Variants in SCUBE2 observed in about 807,000 individuals in gnomAD.
SCUBE2 encodes the protein signal peptide, CUB and EGF-like domain-containing protein 2.
Under a neutral mutation model 125.9 loss-of-function variants are expected in SCUBE2, and 114 were observed. That is an observed-to-expected ratio of 0.91 (90% CI 0.78 to 1.06). SCUBE2 has a LOEUF of 1.06. Among genes scored for constraint, SCUBE2 ranks in the 50% least tolerant of loss-of-function variants. SCUBE2 has a pLI of 0.00. For missense variants in SCUBE2, 1,255 were observed against 1,301.8 expected (o/e 0.96, Z 0.55); for synonymous variants, 459 against 492.9 (o/e 0.93, Z 0.91).
At chr11:9,036,594 A>T (rs530184245) in intron 16 of SCUBE2, among the ~76,000 whole-genome samples, 2 of 152,328 alleles carry the variant, frequency 1.3e-5, no homozygotes, top group East Asian at 3.9e-4. Context: ...GAAAGTGCCG[A>T]TATGGTGACA....
chr11:9,062,817 G>A (rs1859811881), intron 7 of SCUBE2, among the ~76,000 whole-genome samples: 1 of 138,722 alleles, frequency 7.2e-6, no homozygotes, highest in Non-Finnish European at 1.6e-5. Context: ...ACAAAGGAGA[G>A]AAAAGAAAAA....
intron 16 of SCUBE2, 81 bp downstream of exon 16, chr11:9,047,275 G>A (rs539614957): frequency 2.1e-6 from 3 of 1,428,014 alleles, no homozygotes; most frequent in Admixed American, 1.7e-5. Flanking sequence ...AGGGAGGATG[G>A]GCCAGACTTG....
At chr11:9,053,452 A>G (rs1467879416) in intron 11 of SCUBE2, among the ~76,000 whole-genome samples, 185 bp downstream of exon 11, 1 of 152,270 alleles carries the variant, frequency 6.6e-6, no homozygotes, top group Non-Finnish European at 1.5e-5. Context: ...ACAGAAGCAC[A>G]GAAGGAAACA....
At chr11:9,081,702 G>T (rs994667063) in intron 2 of SCUBE2, among the ~76,000 whole-genome samples, 1 of 151,792 alleles carries the variant, frequency 6.6e-6, no homozygotes, top group African/African-American at 2.4e-5. Context: ...ATATTATTTT[G>T]TACATAACAC....
intron 5 of SCUBE2, among the ~76,000 whole-genome samples, chr11:9,069,127 C>T (rs1319354500): frequency 1.3e-5 from 2 of 152,242 alleles, no homozygotes; most frequent in African/African-American, 4.8e-5. Flanking sequence ...CCAACATTCA[C>T]ACTCCTTACT....
At chr11:9,060,084 A>G (rs530878175) in intron 8 of SCUBE2, among the ~76,000 whole-genome samples, 1 of 152,308 alleles carries the variant, frequency 6.6e-6, no homozygotes, top group Non-Finnish European at 1.5e-5. Context: ...ATTATGTATG[A>G]TATGTTGATA....
chr11:9,042,543 TC>T lies in SCUBE2; in HGVS notation c.2002+4812del, dbSNP rs376581558. The stretch of plus-strand genomic sequence containing the variant: ...CTGACTCAATATTCAGGCTTTAGCC[TC>T]CTTTTATGTATCTTTTTCATCCTTT... On this transcript the variant is annotated intron_variant, in intron 16 of 22. Transcript: ENST00000649792. Among the ~76,000 whole-genome samples the T allele has an allele frequency of 3.7e-4, 57 of 152,314 alleles. 1 individual carries two copies. The East Asian group carries it at 8.9e-3, about 24-fold the overall frequency.
intron 5 of SCUBE2, among the ~76,000 whole-genome samples, chr11:9,067,748 T>C: frequency 6.6e-6 from 1 of 152,240 alleles, no homozygotes. Context: ...AATGTTAATG[T>C]TAAAATATGT....
At chr11:9,046,628 C>T (rs1352921770) in intron 16 of SCUBE2, among the ~76,000 whole-genome samples, 11 of 152,186 alleles carry the variant, frequency 7.2e-5, no homozygotes, top group Admixed American at 7.2e-4. Context: ...AGCCAACTCT[C>T]CCCACTATTT....
chr11:9,083,631 T>A (rs1861827283), intron 2 of SCUBE2, among the ~76,000 whole-genome samples: 1 of 151,814 alleles, frequency 6.6e-6, no homozygotes, highest in African/African-American at 2.4e-5. Context: ...CTTGGCTCAC[T>A]GCAACCTCCG....
intron 9 of SCUBE2, among the ~76,000 whole-genome samples, chr11:9,057,675 C>G (rs1169146275): frequency 4.0e-5 from 6 of 149,536 alleles, no homozygotes; most frequent in Non-Finnish European, 6.0e-5. Flanking sequence ...CCCGCCACCG[C>G]GCCCTCCACC....
chr11:9,049,390 C>G (rs1280077953), intron 14 of SCUBE2, among the ~76,000 whole-genome samples: 2 of 152,168 alleles, frequency 1.3e-5, no homozygotes, highest in South Asian at 2.1e-4. Flanking sequence ...ACTACAGGCA[C>G]AAACCACTAG....
intron 2 of SCUBE2, among the ~76,000 whole-genome samples, chr11:9,087,628 G>C (rs926724375): frequency 1.3e-5 from 2 of 152,132 alleles, no homozygotes; most frequent in African/African-American, 4.8e-5. Flanking sequence ...CAATGGGAGC[G>C]GTGGGAGCCT....
intron 10 of SCUBE2, among the ~76,000 whole-genome samples, chr11:9,054,701 G>GTATATA (rs1210852364): frequency 1.4e-4 from 7 of 51,078 alleles, no homozygotes; most frequent in African/African-American, 6.8e-4. Flanking sequence ...AAGCACTAGT[G>GTATATA]TATATATATA....
intron 4 of SCUBE2, among the ~76,000 whole-genome samples, chr11:9,070,816 G>T (rs573622481): frequency 1.3e-5 from 2 of 152,298 alleles, no homozygotes; most frequent in Non-Finnish European, 2.9e-5. Context: ...CAGTGCAAGG[G>T]TTAATATATC....
intron 2 of SCUBE2, among the ~76,000 whole-genome samples, chr11:9,083,500 C>A (rs1196927529): frequency 6.6e-6 from 1 of 151,968 alleles, no homozygotes; most frequent in Non-Finnish European, 1.5e-5. Flanking sequence ...ATAATGAGCG[C>A]CAGATTTCTC....
chr11:9,038,490 A>AAGTT lies in SCUBE2; in HGVS notation c.2003-4698_2003-4695dup, dbSNP rs571444297. ...CTCGTCTTTCCAAAATCACCTTAAA[A>AAGTT]AGTTAGCTGAGCGTGGTAGTGCATG... On this transcript the variant is annotated intron_variant, in intron 16 of 22. Coordinates refer to ENST00000649792, the MANE Select transcript of SCUBE2 (RefSeq NM_001367977.2). Among the ~76,000 whole-genome samples, 11 of 152,220 alleles carry AAGTT rather than the reference A, an allele frequency of 7.2e-5. No individual in the cohort carries two copies. The South Asian group carries it at 2.3e-3, about 32-fold the overall frequency.
chr11:9,046,951 T>C (rs1857843115), intron 16 of SCUBE2, among the ~76,000 whole-genome samples: 1 of 144,648 alleles, frequency 6.9e-6, no homozygotes, highest in African/African-American at 2.6e-5. Flanking sequence ...TTGGGCCTCA[T>C]GATTCTACTG....
intron 7 of SCUBE2, among the ~76,000 whole-genome samples, chr11:9,064,352 G>A (rs1356104917): frequency 1.3e-5 from 2 of 151,914 alleles, no homozygotes; most frequent in African/African-American, 4.8e-5. Context: ...CTGTAGTCCA[G>A]CTACTCAGGA....
Sources: allele counts gnomAD v4.1 joint callset (sites outside exome capture counted in the v4.1 genomes callset), GRCh38; gene constraint gnomAD v4.1.1; transcripts MANE v1.5; gene names NCBI Gene and HGNC (gene_info 2026-07-23, HGNC 2026-07-21).